CACNA1B: variants seen among roughly 807,000 people sequenced by gnomAD.
The protein encoded by CACNA1B is calcium voltage-gated channel subunit alpha1 B.
A neutral mutation model predicts 247.2 loss-of-function variants in CACNA1B; 70 were observed. The observed-to-expected ratio is 0.28, with a 90% CI of 0.23 to 0.35. The LOEUF is 0.35. CACNA1B is among the 10% of genes least tolerant of loss of function. The pLI is 1.00. For missense variants in CACNA1B, 2,367 were observed against 3,197.4 expected, an observed-to-expected ratio of 0.74 and a Z score of 6.26; for synonymous variants, 1,231 against 1,294.4, an observed-to-expected ratio of 0.95 and a Z score of 1.05.
chr9:138,107,762 A>G (rs1961482099), intron 39 of CACNA1B, among the ~76,000 whole-genome samples: 1 of 152,140 alleles, frequency 6.6e-6, no homozygotes, highest in South Asian at 2.1e-4. Flanking sequence ...AGGCAGGCAG[A>G]TTGCCTGAGC....
chr9:137,993,389 G>T lies in CACNA1B; in HGVS notation c.1974+6535G>T, dbSNP rs1029674194. ...ATTAAATTTTTATTTTGTCTGTCTA[G>T]ATGGATAAAATTTTTATTTTGTCTA... On this transcript the variant is annotated intron_variant, in intron 15 of 46. Transcript: ENST00000371372. Among the ~76,000 whole-genome samples the T allele has an allele frequency of 4.9e-5, 7 of 143,674 alleles. 1 individual carries two copies. The highest frequency in any genetic ancestry group is 1.9e-4 in the African/African-American group (7 of 36,582). The allele number at this position is 143,674 out of a possible 152,430, so 94.3% of individuals were successfully genotyped here.
At chr9:138,025,322 A>T (rs1303124277) in intron 20 of CACNA1B, 150 bp downstream of exon 20, 2 of 620,220 alleles carry the variant, frequency 3.2e-6, no homozygotes, top group Non-Finnish European at 5.8e-6. Flanking sequence ...TGCTGTCAAC[A>T]TCTGTCCCTT....
At position 137,914,771 on chromosome 9, in the gene CACNA1B, G is replaced by A. The variant is rs763939363; in HGVS notation, c.740G>A (p.Gly247Asp). The A allele has an allele frequency of 1.2e-6, 2 of 1,613,902 alleles. No individual in the cohort carries two copies. Among genetic ancestry groups the A allele is most frequent in the South Asian group, 1.1e-5 (1 of 91,044 alleles). Residue 247 changes from glycine to aspartate, a missense_variant, in exon 5 of 47, where the codon GGC becomes GAC. Gly to Asp is a moderately conservative substitution (Grantham distance 94, BLOSUM62 -1). Around this residue, in one of 12 missense-constraint regions of CACNA1B, gnomAD observed 130 missense variants for 338.7 expected, o/e 0.38. Coordinates refer to ENST00000371372, the MANE Select transcript of CACNA1B (RefSeq NM_000718.4). This position sits in a 1 kb window ranked among gnomAD's most constrained non-coding sequence, Gnocchi z 4.3. ...FAIIGLEFYMGKFHKACFPNS... is the reference protein window; with the variant it reads ...FAIIGLEFYMDKFHKACFPNS... ...ATCATTGGCCTGGAGTTCTACATGG[G>A]CAAGTTCCACAAGGCCTGTTTCCCC...
intron 35 of CACNA1B, 96 bp downstream of exon 35, chr9:138,076,006 C>G (rs1454688961): frequency 1.3e-6 from 1 of 794,660 alleles, no homozygotes; most frequent in Non-Finnish European, 2.2e-6. Flanking sequence ...GTGGAGACCA[C>G]CCACTTCTAA....
At chr9:137,934,317 A>G (rs1957640307) in intron 6 of CACNA1B, among the ~76,000 whole-genome samples, 1 of 152,198 alleles carries the variant, frequency 6.6e-6, no homozygotes, top group South Asian at 2.1e-4. Flanking sequence ...GTCCAGCACC[A>G]CTGAAAATGG....
At chr9:137,966,602 G>A (rs1358687352) in intron 10 of CACNA1B, among the ~76,000 whole-genome samples, 1 of 150,592 alleles carries the variant, frequency 6.6e-6, no homozygotes, top group Non-Finnish European at 1.5e-5. Context: ...GCAGTGGTGC[G>A]ATCTCAGCTC....
intron 3 of CACNA1B, among the ~76,000 whole-genome samples, chr9:137,901,791 A>G (rs1291708919): frequency 1.3e-5 from 2 of 148,204 alleles, no homozygotes; most frequent in Non-Finnish European, 3.0e-5. Flanking sequence ...CAGGGTTCAC[A>G]TGATTCTCCT....
At chr9:137,885,261 G>A (rs4876908) in intron 3 of CACNA1B, among the ~76,000 whole-genome samples, 2 of 151,830 alleles carry the variant, frequency 1.3e-5, no homozygotes, top group African/African-American at 2.4e-5. Context: ...TCCAAGTCAC[G>A]GGAGGGAGCC....
chr9:138,049,472 G>A (rs532912192), intron 24 of CACNA1B, among the ~76,000 whole-genome samples, 157 bp downstream of exon 24: 6 of 152,350 alleles, frequency 3.9e-5, no homozygotes, highest in South Asian at 4.1e-4. Context: ...TGCTTGGGGC[G>A]GGGCTGCGTG....
chr9:138,047,913 G>C (rs1027630679), intron 23 of CACNA1B, among the ~76,000 whole-genome samples: 1 of 152,210 alleles, frequency 6.6e-6, no homozygotes, highest in Non-Finnish European at 1.5e-5. Context: ...ATGATAGATT[G>C]AGTCCTTCAC....
chr9:138,095,485 T>C (rs1417362880), intron 36 of CACNA1B, among the ~76,000 whole-genome samples: 1 of 152,038 alleles, frequency 6.6e-6, no homozygotes, highest in African/African-American at 2.4e-5. Context: ...GACAAGGATG[T>C]GGAGAAGGAG....
At chr9:137,996,720 T>C (rs978865632) in intron 15 of CACNA1B, among the ~76,000 whole-genome samples, 2 of 152,168 alleles carry the variant, frequency 1.3e-5, no homozygotes, top group Admixed American at 6.5e-5. Flanking sequence ...TCAGATAGTA[T>C]GATATGTGAA....
chr9:137,919,836 G>A lies in CACNA1B; in HGVS notation c.966+2405G>A, dbSNP rs1386781388. 2.0e-5 allele frequency among the ~76,000 whole-genome samples: 3 copies of A among 152,188 alleles called. No homozygotes were observed. The highest frequency in any genetic ancestry group is 2.9e-5 in the Non-Finnish European group (2 of 68,036). ...GGATTGCTGAAAAGCTGGTGGCAGCGGGTGGGGCAGCGTGGGGGCACTCCA... is the reference window on the plus strand; with the variant it reads ...GGATTGCTGAAAAGCTGGTGGCAGCAGGTGGGGCAGCGTGGGGGCACTCCA... On this transcript the variant is annotated intron_variant, in intron 6 of 46. Transcript: ENST00000371372. This position sits in a 1 kb window ranked among gnomAD's most constrained non-coding sequence, Gnocchi z 4.6.
chr9:137,909,497 C>G (rs1039979658), intron 3 of CACNA1B, among the ~76,000 whole-genome samples: 1 of 152,138 alleles, frequency 6.6e-6, no homozygotes, highest in African/African-American at 2.4e-5. Context: ...TAATGTTACC[C>G]AAGTTCATCC....
intron 3 of CACNA1B, among the ~76,000 whole-genome samples, chr9:137,900,161 G>A (rs1043158295): frequency 2.6e-5 from 4 of 152,316 alleles, no homozygotes; most frequent in South Asian, 4.1e-4. Flanking sequence ...CCTCACAGAC[G>A]GCTGTGGAAA....
At chr9:137,905,219 GGCA>G (rs1248806729) in intron 3 of CACNA1B, among the ~76,000 whole-genome samples, 1 of 152,066 alleles carries the variant, frequency 6.6e-6, no homozygotes, top group African/African-American at 2.4e-5. Context: ...CAGGTGTGGT[GGCA>G]CGTGCCTGTA....
Position 138,102,605 on chromosome 9 carries a change from G to C in CACNA1B, c.5223-106G>C, listed in dbSNP as rs1332588634. On this transcript the variant is annotated intron_variant, in intron 37 of 46. Transcript: ENST00000371372. The surrounding 1 kb of genome is among the most constrained non-coding windows in gnomAD (Gnocchi z 5.4). The stretch of plus-strand genomic sequence containing the variant: ...ATTAACTGGCTCTGTTTTCTTGTCT[G>C]CTTCCTCCCTGCCCCTACCCCGCTC... 8 of 554,136 alleles carry C rather than the reference G, an allele frequency of 1.4e-5. No homozygotes were observed. Among genetic ancestry groups the C allele is most frequent in the Non-Finnish European group, 2.3e-5 (7 of 310,626 alleles). 34.3% of individuals were successfully genotyped at this position (554,136 alleles called of 1,614,324 possible). A position where few individuals can be genotyped will look rare whatever the true frequency, so the allele number is the denominator to read the frequency against.
rs1958834707 is a variant in CACNA1B, at chr9:138,020,724, T to TG, written c.2268-2287_2268-2286insG. Among the ~76,000 whole-genome samples, 1 of 152,108 alleles carries TG rather than the reference T, an allele frequency of 6.6e-6. No homozygotes were observed. The highest frequency in any genetic ancestry group is 1.5e-5 in the Non-Finnish European group (1 of 68,008). The stretch of plus-strand genomic sequence containing the variant: ...TCAGCATGTTGCTCTGCCTGGGTGG[T>TG]CACGGGGGAGCCTGCCAGCCTGACA... On this transcript the variant is annotated intron_variant, in intron 18 of 46. Coordinates refer to ENST00000371372, the MANE Select transcript of CACNA1B (RefSeq NM_000718.4). The surrounding 1 kb of genome is among the most constrained non-coding windows in gnomAD (Gnocchi z 4.1).
In CACNA1B at chr9:137,974,060, C is replaced by T. The variant is rs991152151; in HGVS notation, c.1544-1847C>T. On this transcript the variant is annotated intron_variant, in intron 11 of 46. Coordinates refer to ENST00000371372, the MANE Select transcript of CACNA1B (RefSeq NM_000718.4). This position sits in a 1 kb window ranked among gnomAD's most constrained non-coding sequence, Gnocchi z 4.5. ...GGGAGCCCGAGGCCTTTGTGACCCA[C>T]GCAGAGGGGCTCTGGGACTTTGTGG... 5.3e-5 allele frequency among the ~76,000 whole-genome samples: 8 copies of T among 152,136 alleles called. No homozygotes were observed. The highest frequency in any genetic ancestry group is 7.4e-5 in the Non-Finnish European group (5 of 68,026).
Sources: gnomAD v4.1 joint callset for allele counts (sites outside exome capture counted in the v4.1 genomes callset) on GRCh38, gnomAD v4.1.1 for gene constraint, gnomAD v4.1.1 regional missense constraint, Gnocchi (gnomAD v3.1) non-coding constraint, MANE v1.5 for transcripts, NCBI Gene and HGNC (gene_info 2026-07-23, HGNC 2026-07-21) for gene names.